The following CNTLN variants were observed in gnomAD, a reference collection of about 807,000 sequenced individuals.
The protein encoded by CNTLN is centlein.
CNTLN carries 212 observed loss-of-function variants against 180.0 expected under a neutral mutation model. The ratio of observed to expected loss-of-function variants is 1.18; its 90% confidence interval spans 1.05 to 1.32. The LOEUF is 1.32. Among genes scored for constraint, CNTLN ranks in the 40% most tolerant of loss-of-function variants. CNTLN has a pLI of 0.00. For synonymous variants in CNTLN, 722 were observed against 563.1 expected, an observed-to-expected ratio of 1.28 and a Z score of -3.99; for missense variants, 2,095 against 1,610.9, an observed-to-expected ratio of 1.30 and a Z score of -5.14.
chr9:17,469,325 G>A (rs935973136), intron 23 of CNTLN, among the ~76,000 whole-genome samples: 5 of 151,656 alleles, frequency 3.3e-5, no homozygotes, highest in African/African-American at 4.8e-5. Context: ...TTTCTTAACC[G>A]TGTCTTAGTG....
At chr9:17,446,412 G>A (rs537172423) in intron 18 of CNTLN, among the ~76,000 whole-genome samples, 23 of 152,132 alleles carry the variant, frequency 1.5e-4, no homozygotes, top group Middle Eastern at 3.4e-3. Flanking sequence ...TATGTCTTTC[G>A]CTAGCTTGAA....
intron 12 of CNTLN, among the ~76,000 whole-genome samples, chr9:17,361,882 T>C (rs1463489511): frequency 6.6e-6 from 1 of 152,216 alleles, no homozygotes; most frequent in African/African-American, 2.4e-5. Context: ...TTTTAAATTG[T>C]GGTCCTCATA....
At chr9:17,434,883 T>C (rs1829668703) in intron 18 of CNTLN, among the ~76,000 whole-genome samples, 1 of 152,212 alleles carries the variant, frequency 6.6e-6, no homozygotes, top group East Asian at 1.9e-4. Context: ...ACTTTTCTTT[T>C]GGCCTCCATA....
intron 7 of CNTLN, among the ~76,000 whole-genome samples, chr9:17,303,893 A>AAAAGTATTAC (rs1818534826): frequency 6.6e-6 from 1 of 152,166 alleles, no homozygotes; most frequent in Admixed American, 6.6e-5. Flanking sequence ...GTATTACACT[A>AAAAGTATTAC]ACAATTTGTC....
At chr9:17,317,252 C>G (rs1239850285) in intron 8 of CNTLN, among the ~76,000 whole-genome samples, 1 of 151,950 alleles carries the variant, frequency 6.6e-6, no homozygotes. Flanking sequence ...GAGGTGACCT[C>G]AAAATACGTA....
chr9:17,188,602 A>G (rs1211689858), intron 2 of CNTLN, among the ~76,000 whole-genome samples: 1 of 152,160 alleles, frequency 6.6e-6, no homozygotes, highest in Non-Finnish European at 1.5e-5. Flanking sequence ...TGGGAAGCAA[A>G]TAATTCAACT....
chr9:17,272,885 C>T (rs1828047079), intron 5 of CNTLN, among the ~76,000 whole-genome samples: 1 of 151,704 alleles, frequency 6.6e-6, no homozygotes, highest in South Asian at 2.1e-4. Context: ...GGCTTGCTTT[C>T]CCTCCCTCCC....
intron 10 of CNTLN, among the ~76,000 whole-genome samples, chr9:17,338,337 G>GGT (rs369684809): frequency 1.0e-5 from 1 of 100,436 alleles, no homozygotes; most frequent in Non-Finnish European, 1.8e-5. Flanking sequence ...GCTAATTTTT[G>GGT]TTTTTTTTTT....
At chr9:17,214,940 A>T (rs10962908) in intron 2 of CNTLN, among the ~76,000 whole-genome samples, 20,912 of 152,126 alleles carry the variant, frequency 0.14, 1,632 homozygotes, top group African/African-American at 0.21. Context: ...TGGTTATTCT[A>T]GTTAGCCATT....
At chr9:17,298,892 A>C in intron 7 of CNTLN, 1 of 985,476 alleles carries the variant, frequency 1.0e-6, no homozygotes, top group Non-Finnish European at 1.2e-6. Flanking sequence ...AGGTTTACCC[A>C]AGTATTTAGG....
chr9:17,214,999 C>T (rs537255043), intron 2 of CNTLN, among the ~76,000 whole-genome samples: 1 of 152,180 alleles, frequency 6.6e-6, no homozygotes, highest in African/African-American at 2.4e-5. Context: ...TGGGTTCGAA[C>T]TTCCTCCTTT....
At position 17,462,828 on chromosome 9, in the gene CNTLN, T is replaced by C. The variant is rs936114047; in HGVS notation, c.3307-88T>C. Reference sequence around the variant, plus strand: ...TTGTTTACCATAATTATTGTAGAGGTATTCTTCTTTAGAATGGCACTTATT... The same window carrying C: ...TTGTTTACCATAATTATTGTAGAGGCATTCTTCTTTAGAATGGCACTTATT... On this transcript the variant is annotated intron_variant, in intron 19 of 25. Transcript: ENST00000380647. The C allele has an allele frequency of 1.9e-5, 9 of 481,018 alleles. No homozygotes were observed. The Admixed American group carries it at 3.1e-4, about 17-fold the overall frequency. The allele number at this position is 481,018 out of a possible 1,614,324, so 29.8% of individuals were successfully genotyped here.
At chr9:17,341,361 A>G (rs1347180828) in intron 11 of CNTLN, among the ~76,000 whole-genome samples, 1 of 152,208 alleles carries the variant, frequency 6.6e-6, no homozygotes, top group Non-Finnish European at 1.5e-5. Flanking sequence ...GAAATATGAA[A>G]TTCACATATA....
rs146028477 is a variant in CNTLN, at chr9:17,145,748, C to A, written c.449+2372C>A. 3.0e-3 allele frequency among the ~76,000 whole-genome samples: 450 copies of A among 152,274 alleles called. 5 individuals are homozygous for A. Among genetic ancestry groups the A allele is most frequent in the African/African-American group, 0.01 (431 of 41,552 alleles). ...CATAGGTTTTCTTTTCGTTGTACAG[C>A]TGAACTTATTACACAGTTTCTAGGA... On this transcript the variant is annotated intron_variant, in intron 2 of 25. Coordinates refer to ENST00000380647, the MANE Select transcript of CNTLN (RefSeq NM_017738.4).
In CNTLN at chr9:17,309,055, C is replaced by A; in HGVS notation, c.1147-3C>A. ...TATAATTTGGATATATTTTTTGAAACAGCTTTACAATGAGTTACATATTTG... is the reference window on the plus strand; with the variant it reads ...TATAATTTGGATATATTTTTTGAAAAAGCTTTACAATGAGTTACATATTTG... On this transcript the variant is annotated splice_region_variant and splice_polypyrimidine_tract_variant and intron_variant, in intron 7 of 25. Transcript: ENST00000380647. 1 of 1,557,244 alleles carries A rather than the reference C, an allele frequency of 6.4e-7. No individual in the cohort carries two copies. The highest frequency in any genetic ancestry group is 8.6e-7 in the Non-Finnish European group (1 of 1,156,996).
intron 8 of CNTLN, among the ~76,000 whole-genome samples, chr9:17,316,252 C>T (rs1009050809): frequency 1.3e-5 from 2 of 152,036 alleles, no homozygotes; most frequent in African/African-American, 2.4e-5. Flanking sequence ...AATATAGCCA[C>T]CACAGCTTCC....
At chr9:17,490,321 G>C (rs1213728548) in intron 25 of CNTLN, among the ~76,000 whole-genome samples, 3 of 152,060 alleles carry the variant, frequency 2.0e-5, no homozygotes, top group Non-Finnish European at 2.9e-5. Context: ...ATTCTAATGA[G>C]TGAATAGATA....
At chr9:17,321,432 A>G (rs1244884649) in intron 8 of CNTLN, among the ~76,000 whole-genome samples, 1 of 152,080 alleles carries the variant, frequency 6.6e-6, no homozygotes, top group Admixed American at 6.5e-5. Flanking sequence ...TTTTCTCCCC[A>G]CTGCCTTCTC....
At chr9:17,319,422 C>T (rs1190604950) in intron 8 of CNTLN, among the ~76,000 whole-genome samples, 1 of 152,164 alleles carries the variant, frequency 6.6e-6, no homozygotes, top group Admixed American at 6.5e-5. Context: ...GTGAAATATA[C>T]AGTCGAGGGG....
Sources: gnomAD v4.1 joint callset for allele counts (sites outside exome capture counted in the v4.1 genomes callset) on GRCh38, gnomAD v4.1.1 for gene constraint, MANE v1.5 for transcripts, NCBI Gene and HGNC (gene_info 2026-07-23, HGNC 2026-07-21) for gene names.